The following RBFOX1 variants were observed in gnomAD, a reference collection of about 807,000 sequenced individuals.
RBFOX1 encodes the protein RNA binding fox-1 homolog 1.
Under a neutral mutation model 57.7 loss-of-function variants are expected in RBFOX1, and 8 were observed. That is an observed-to-expected ratio of 0.14 (90% CI 0.08 to 0.25). RBFOX1 has a LOEUF of 0.25. RBFOX1 is among the 10% of genes least tolerant of loss of function. RBFOX1 has a pLI of 1.00. For missense variants in RBFOX1, 611 were observed against 548.5 expected (o/e 1.11, Z -1.14); for synonymous variants, 326 against 222.4 (o/e 1.47, Z -4.15).
At chr16:6,599,124 G>A (rs1028294638) in intron 2 of RBFOX1, among the ~76,000 whole-genome samples, 1 of 152,102 alleles carries the variant, frequency 6.6e-6, no homozygotes, top group African/African-American at 2.4e-5. Flanking sequence ...ACCTGATACG[G>A]TCATTTGGCG....
At chr16:6,707,043 G>A (rs752246267) in intron 3 of RBFOX1, among the ~76,000 whole-genome samples, 8 of 152,124 alleles carry the variant, frequency 5.3e-5, no homozygotes, top group African/African-American at 1.2e-4. Flanking sequence ...TCCATCAGCC[G>A]AGGGATAACC....
At chr16:5,542,359 C>T (rs1474167164) in intron 2 of RBFOX1, among the ~76,000 whole-genome samples, 2 of 151,510 alleles carry the variant, frequency 1.3e-5, no homozygotes, top group African/African-American at 2.4e-5. Context: ...AGCAATTCTC[C>T]TACCTCAGCC....
chr16:5,571,694 C>T (rs976012885), intron 2 of RBFOX1, among the ~76,000 whole-genome samples: 8 of 152,138 alleles, frequency 5.3e-5, no homozygotes, highest in South Asian at 4.2e-4. Context: ...AGGCCTGCAC[C>T]GAGTCAAGCA....
At chr16:6,505,087 T>A (rs755337736) in intron 2 of RBFOX1, among the ~76,000 whole-genome samples, 1 of 152,036 alleles carries the variant, frequency 6.6e-6, no homozygotes, top group South Asian at 2.1e-4. Context: ...AATAAATAAA[T>A]AAAAATTAGA....
Position 7,068,344 on chromosome 16 carries a change from A to G in RBFOX1, c.27+16246A>G, listed in dbSNP as rs192562586. Among the ~76,000 whole-genome samples the G allele has an allele frequency of 5.9e-3, 893 of 152,258 alleles. 9 individuals are homozygous for G. The highest frequency in any genetic ancestry group is 0.01 in the Middle Eastern group (3 of 294). On this transcript the variant is annotated intron_variant, in intron 4 of 15. Transcript: ENST00000550418. The stretch of plus-strand genomic sequence containing the variant: ...GCAGACATTTGATTTGTGTTCTGGG[A>G]TGGTCCACCTCCATTTTCATATAAA...
intron 3 of RBFOX1, among the ~76,000 whole-genome samples, chr16:6,796,128 G>C: frequency 6.6e-6 from 1 of 151,366 alleles, no homozygotes; most frequent in East Asian, 1.9e-4. Flanking sequence ...CATGGCGGAA[G>C]GTGAAAGGTA....
chr16:6,645,609 A>C (rs1013591631), intron 2 of RBFOX1, among the ~76,000 whole-genome samples: 2 of 152,282 alleles, frequency 1.3e-5, no homozygotes, highest in African/African-American at 4.8e-5. Flanking sequence ...GAACGGACAC[A>C]TGAGTGCTTT....
At chr16:7,700,909 C>A (rs1054291596) in intron 14 of RBFOX1, among the ~76,000 whole-genome samples, 3 of 152,196 alleles carry the variant, frequency 2.0e-5, no homozygotes, top group South Asian at 2.1e-4. Flanking sequence ...GGTAAATGGT[C>A]TGAGTCTTTT....
At chr16:7,583,526 CA>C (rs1189908420) in intron 6 of RBFOX1, among the ~76,000 whole-genome samples, 1 of 152,184 alleles carries the variant, frequency 6.6e-6, no homozygotes, top group African/African-American at 2.4e-5. Context: ...TGAAGTGAGA[CA>C]AGTGGATTGT....
chr16:7,232,578 A>G (rs1465529823), intron 4 of RBFOX1, among the ~76,000 whole-genome samples: 3 of 152,142 alleles, frequency 2.0e-5, no homozygotes, highest in African/African-American at 4.8e-5. Flanking sequence ...TAAGCGGCTC[A>G]TGCCTGTAAT....
At chr16:5,696,680 T>C (rs2050853938) in intron 3 of RBFOX1, among the ~76,000 whole-genome samples, 1 of 152,214 alleles carries the variant, frequency 6.6e-6, no homozygotes, top group Admixed American at 6.5e-5. Context: ...AATTTTGATA[T>C]GAATTGCATG....
intron 1 of RBFOX1, among the ~76,000 whole-genome samples, chr16:5,262,884 A>G (rs60621274): frequency 6.6e-6 from 1 of 152,182 alleles, no homozygotes; most frequent in East Asian, 1.9e-4. Flanking sequence ...CACTCACTCC[A>G]TTGTAACTCC....
chr16:6,520,041 C>G (rs989818561), intron 2 of RBFOX1, among the ~76,000 whole-genome samples: 1 of 152,250 alleles, frequency 6.6e-6, no homozygotes, highest in South Asian at 2.1e-4. Flanking sequence ...GGGCATGTTT[C>G]CACCGTGCAG....
intron 3 of RBFOX1, among the ~76,000 whole-genome samples, chr16:5,731,294 C>T (rs2052364410): frequency 6.6e-6 from 1 of 152,096 alleles, no homozygotes; most frequent in Non-Finnish European, 1.5e-5. Context: ...TCACTATCAC[C>T]ACCACCACCA....
At chr16:7,676,916 C>T (rs1294211485) in intron 14 of RBFOX1, 78 bp downstream of exon 14, 2 of 1,390,188 alleles carry the variant, frequency 1.4e-6, no homozygotes, top group Middle Eastern at 1.8e-4. Context: ...CTTGTATGGT[C>T]TTGGTGAAAC....
intron 4 of RBFOX1, among the ~76,000 whole-genome samples, chr16:7,464,307 A>G (rs924938483): frequency 3.3e-5 from 5 of 152,202 alleles, no homozygotes; most frequent in Admixed American, 2.0e-4. Flanking sequence ...AGTCACATCC[A>G]GAAACACAGT....
At chr16:6,604,709 C>A (rs12444128) in intron 2 of RBFOX1, among the ~76,000 whole-genome samples, 2 of 152,048 alleles carry the variant, frequency 1.3e-5, no homozygotes, top group African/African-American at 4.8e-5. Context: ...TGCACACACA[C>A]GTATAATTGT....
intron 4 of RBFOX1, among the ~76,000 whole-genome samples, chr16:7,224,712 A>T (rs2092980741): frequency 6.6e-6 from 1 of 152,202 alleles, no homozygotes; most frequent in African/African-American, 2.4e-5. Context: ...AATATTCTAA[A>T]ACCAATCAAT....
At chr16:6,238,741 C>A in intron 1 of RBFOX1, among the ~76,000 whole-genome samples, 1 of 151,848 alleles carries the variant, frequency 6.6e-6, no homozygotes, top group East Asian at 1.9e-4. Context: ...ATTTTTCTGA[C>A]TGACTATTTT....
Sources: allele counts gnomAD v4.1 joint callset (sites outside exome capture counted in the v4.1 genomes callset), GRCh38; gene constraint gnomAD v4.1.1; transcripts MANE v1.5; gene names NCBI Gene and HGNC (gene_info 2026-07-23, HGNC 2026-07-21).